EMCN: variants seen among roughly 807,000 people sequenced by gnomAD.
EMCN encodes the protein endomucin, also known as MUC-14.
In EMCN, 37 loss-of-function variants were observed where a neutral mutation model predicts 38.4. The ratio of observed to expected loss-of-function variants is 0.96; its 90% CI spans 0.74 to 1.27. EMCN has a LOEUF of 1.27. EMCN is among the 50% of genes most tolerant of loss of function. EMCN has a pLI of 0.00. For synonymous variants in EMCN, 95 were observed against 100.8 expected (o/e 0.94, Z 0.35); for missense variants, 318 against 302.8 (o/e 1.05, Z -0.37).
chr4:100,486,883 C>T (rs548436390), intron 1 of EMCN: 145 of 985,372 alleles, frequency 1.5e-4, no homozygotes, highest in Middle Eastern at 1.0e-3. Flanking sequence ...TTCAAAAGTA[C>T]GGGGCCATGC....
At chr4:100,498,540 G>A (rs1185785708) in intron 1 of EMCN, among the ~76,000 whole-genome samples, 6 of 151,434 alleles carry the variant, frequency 4.0e-5, no homozygotes, top group African/African-American at 1.5e-4. Context: ...GGAGTGCAGT[G>A]GCACAATCTC....
chr4:100,493,117 A>G (rs942862005), intron 1 of EMCN, among the ~76,000 whole-genome samples: 9 of 152,172 alleles, frequency 5.9e-5, no homozygotes, highest in Non-Finnish European at 1.3e-4. Context: ...CCTTGCTAAT[A>G]CTGTCGCTAT....
At chr4:100,421,098 C>G (rs952923194) in intron 8 of EMCN, among the ~76,000 whole-genome samples, 184 bp downstream of exon 8, 1 of 151,928 alleles carries the variant, frequency 6.6e-6, no homozygotes, top group African/African-American at 2.4e-5. Flanking sequence ...GTATTTAGTT[C>G]CCACTCTGCA....
At chr4:100,458,024 G>T (rs1346935607) in intron 4 of EMCN, among the ~76,000 whole-genome samples, 2 of 152,036 alleles carry the variant, frequency 1.3e-5, no homozygotes, top group Non-Finnish European at 2.9e-5. Flanking sequence ...GGCTGATGCA[G>T]AGAACTGCTT....
At chr4:100,504,140 T>A (rs1469663678) in intron 1 of EMCN, among the ~76,000 whole-genome samples, 1 of 152,224 alleles carries the variant, frequency 6.6e-6, no homozygotes, top group African/African-American at 2.4e-5. Context: ...TGTTTCTGAA[T>A]CCCATTCCCA....
intron 2 of EMCN, among the ~76,000 whole-genome samples, chr4:100,475,747 G>T (rs1309299592): frequency 7.6e-6 from 1 of 131,654 alleles, no homozygotes; most frequent in Non-Finnish European, 1.5e-5. Context: ...GCGCGATCTC[G>T]GCTCACTGCA....
rs59679939 is a variant in EMCN, at chr4:100,421,507, G to A, written c.569-130C>T. 1,420 of 710,120 alleles carry A rather than the reference G, an allele frequency of 2.0e-3. 16 individuals are homozygous for A. The African/African-American group carries it at 0.022, about 11-fold the overall frequency. 44.0% of individuals were successfully genotyped at this position (710,120 alleles called of 1,614,324 possible). On this transcript the variant is annotated intron_variant, in intron 7 of 11. Transcript: ENST00000296420. The stretch of plus-strand genomic sequence containing the variant: ...TCATTCTATTAAAAACATATTTTAG[G>A]CAAAGATTCCTCTGATTCATGGGGT...
At chr4:100,469,761 G>T (rs1560628592) in intron 3 of EMCN, among the ~76,000 whole-genome samples, 1 of 151,936 alleles carries the variant, frequency 6.6e-6, no homozygotes, top group Non-Finnish European at 1.5e-5. Context: ...TTATTTCTGG[G>T]TTCTCTATTC....
intron 1 of EMCN, among the ~76,000 whole-genome samples, chr4:100,487,866 T>C (rs1728981007): frequency 6.6e-6 from 1 of 152,210 alleles, no homozygotes; most frequent in African/African-American, 2.4e-5. Context: ...TTCATAGCAG[T>C]ATAGAATGGA....
At chr4:100,481,153 G>A (rs1728795515) in intron 1 of EMCN, among the ~76,000 whole-genome samples, 1 of 152,000 alleles carries the variant, frequency 6.6e-6, no homozygotes, top group Non-Finnish European at 1.5e-5. Flanking sequence ...TAGTTAAGAG[G>A]ATGGACTTTG....
At chr4:100,470,512 C>T (rs538937932) in intron 3 of EMCN, among the ~76,000 whole-genome samples, 1 of 151,882 alleles carries the variant, frequency 6.6e-6, no homozygotes, top group South Asian at 2.1e-4. Context: ...ACAGAAATAC[C>T]ACTCAACCTA....
intron 4 of EMCN, among the ~76,000 whole-genome samples, chr4:100,453,774 A>T (rs1480914373): frequency 6.6e-6 from 1 of 152,024 alleles, no homozygotes; most frequent in Non-Finnish European, 1.5e-5. Flanking sequence ...AACCAACCTA[A>T]ATGTCCAACA....
intron 1 of EMCN, among the ~76,000 whole-genome samples, chr4:100,504,006 A>G (rs1227365126): frequency 6.6e-6 from 1 of 152,188 alleles, no homozygotes; most frequent in African/African-American, 2.4e-5. Context: ...TTTCAAGTAA[A>G]ATATCTATAA....
chr4:100,415,243 G>A (rs17030109), intron 10 of EMCN, among the ~76,000 whole-genome samples: 26,426 of 152,068 alleles, frequency 0.17, 3,825 homozygotes, highest in East Asian at 0.77. Context: ...GATCTGTTTC[G>A]TGATATCAAT....
At chr4:100,483,996 T>C (rs993343967) in intron 1 of EMCN, among the ~76,000 whole-genome samples, 2 of 152,170 alleles carry the variant, frequency 1.3e-5, no homozygotes, top group African/African-American at 4.8e-5. Flanking sequence ...TGGGATGTTG[T>C]AAGAGAAACA....
chr4:100,517,306 C>CTA lies in EMCN; in HGVS notation c.64+543_64+544dup, dbSNP rs1729783750. Among the ~76,000 whole-genome samples, 3 of 152,032 alleles carry CTA rather than the reference C, an allele frequency of 2.0e-5. No homozygotes were observed. The South Asian group carries it at 6.2e-4, about 32-fold the overall frequency. ...ATGTGCATATTTCTTCAGCAAAAAT[C>CTA]TATAGACTGTAATCAAATGAATCTC... On this transcript the variant is annotated intron_variant, in intron 1 of 11. Transcript: ENST00000296420.
chr4:100,429,961 A>G (rs1476761704), intron 5 of EMCN, among the ~76,000 whole-genome samples: 1 of 152,182 alleles, frequency 6.6e-6, no homozygotes, highest in Non-Finnish European at 1.5e-5. Context: ...TGTAATCAAT[A>G]GATTTTAAAT....
At chr4:100,470,122 G>A (rs1728434011) in intron 3 of EMCN, among the ~76,000 whole-genome samples, 1 of 151,724 alleles carries the variant, frequency 6.6e-6, no homozygotes, top group Admixed American at 6.6e-5. Flanking sequence ...CAGAATGGGG[G>A]AAATTTTTGC....
rs1727916867 is a variant in EMCN, at chr4:100,453,722, C to T, written c.377-6151G>A. Among the ~76,000 whole-genome samples, 5 of 151,968 alleles carry T rather than the reference C, an allele frequency of 3.3e-5. No individual in the cohort carries two copies. The South Asian group carries it at 6.2e-4, about 19-fold the overall frequency. ...ATGCTGCTATAAAGACACATGCACA[C>T]GTATGTTTATTGTGGCACTATTCAC... On this transcript the variant is annotated intron_variant, in intron 4 of 11. Transcript: ENST00000296420.
Sources: gnomAD v4.1 joint callset for allele counts (sites outside exome capture counted in the v4.1 genomes callset) on GRCh38, gnomAD v4.1.1 for gene constraint, MANE v1.5 for transcripts, NCBI Gene and HGNC (gene_info 2026-07-23, HGNC 2026-07-21) for gene names.